BRAP: variants seen among roughly 807,000 people sequenced by gnomAD.
BRAP encodes the protein BRCA1-associated protein.
A neutral mutation model predicts 73.4 loss-of-function variants in BRAP; 42 were observed. The observed-to-expected ratio is 0.57, with a 90% CI of 0.45 to 0.74. The LOEUF is 0.74. BRAP is among the 30% of genes least tolerant of loss of function. The pLI is 0.00. For missense variants in BRAP, 593 were observed against 751.4 expected, an observed-to-expected ratio of 0.79 and a Z score of 2.46; for synonymous variants, 255 against 267.4, an observed-to-expected ratio of 0.95 and a Z score of 0.45.
rs1350815776 is a variant in BRAP at position 111,642,550 on chromosome 12, C to G, written c.*1649G>C. 1 of 152,134 alleles carries G rather than the reference C, an allele frequency of 6.6e-6. No individual in the cohort carries two copies. The highest frequency in any genetic ancestry group is 1.9e-4 in the East Asian group (1 of 5,200). The allele number at this position is 152,134 out of a possible 1,614,324, so 9.4% of individuals were successfully genotyped here. On this transcript the variant is annotated 3_prime_UTR_variant, in exon 12 of 12. Coordinates refer to ENST00000419234, the MANE Select transcript of BRAP (RefSeq NM_006768.5). Reference sequence around the variant, plus strand: ...ACTTCTAATTCTCTTCATTAGTATGCTATGATCCACCCCAGCTTCTGCAAG... The same window carrying G: ...ACTTCTAATTCTCTTCATTAGTATGGTATGATCCACCCCAGCTTCTGCAAG...
chr12:111,645,142 C>T (rs558376340), intron 11 of BRAP, among the ~76,000 whole-genome samples: 1 of 151,938 alleles, frequency 6.6e-6, no homozygotes, highest in Non-Finnish European at 1.5e-5. Context: ...GATCTTGGCT[C>T]ACTGCAACCT....
intron 9 of BRAP, among the ~76,000 whole-genome samples, chr12:111,657,016 G>T (rs1644636942): frequency 6.6e-6 from 1 of 152,270 alleles, no homozygotes; most frequent in East Asian, 1.9e-4. Flanking sequence ...TGGGATTACA[G>T]GCATAAGCCA....
intron 7 of BRAP, among the ~76,000 whole-genome samples, chr12:111,659,952 T>C (rs1030448842): frequency 3.3e-5 from 5 of 151,960 alleles, no homozygotes; most frequent in African/African-American, 4.8e-5. Context: ...CATGCACCTG[T>C]GGTCCCAGCT....
intron 11 of BRAP, among the ~76,000 whole-genome samples, chr12:111,645,373 T>C (rs1198846836): frequency 6.6e-6 from 1 of 152,204 alleles, no homozygotes; most frequent in Non-Finnish European, 1.5e-5. Flanking sequence ...AGCCCACAAA[T>C]GTACTTTTAA....
rs1326353123 is a variant in BRAP at position 111,683,169 on chromosome 12, A to G, written c.221T>C (p.Ile74Thr). The change falls in exon 2 of 12, where the codon ATT becomes ACT. Residue 74 changes from isoleucine to threonine, a missense_variant. Around this residue, in one of 4 missense-constraint regions of BRAP, gnomAD observed 304 missense variants for 337.7 expected, o/e 0.90. Transcript: ENST00000419234. ...LGRREMTDVI[I>T]ETMKSNPDEL... ...ACCTGGGTTGGACTTCATGGTCTCA[A>G]TGATCACATCTGTCATTTCTCGACG... The G allele has an allele frequency of 1.5e-5, 24 of 1,613,862 alleles. No individual in the cohort carries two copies. The highest frequency in any genetic ancestry group is 4.5e-5 in the East Asian group (2 of 44,898).
intron 3 of BRAP, 113 bp downstream of exon 3, chr12:111,681,524 T>C (rs1426667336): frequency 1.2e-6 from 1 of 804,806 alleles, no homozygotes; most frequent in Non-Finnish European, 1.9e-6. Flanking sequence ...AAAGTATTAT[T>C]ATTTTGAAGC....
At chr12:111,683,002 T>C in intron 2 of BRAP, 144 bp downstream of exon 2, 1 of 851,810 alleles carries the variant, frequency 1.2e-6, no homozygotes, top group Non-Finnish European at 1.8e-6. Context: ...AACATGTGGC[T>C]TAACAGTGTC....
intron 11 of BRAP, among the ~76,000 whole-genome samples, chr12:111,645,691 T>G (rs1382103459): frequency 6.6e-6 from 1 of 152,206 alleles, no homozygotes; most frequent in Middle Eastern, 3.4e-3. Context: ...AAACCACCAT[T>G]TGAGGCCAGG....
chr12:111,685,865 G>C lies in BRAP; in HGVS notation c.-73C>G, dbSNP rs1293395147. 1 of 1,154,480 alleles carries C rather than the reference G, an allele frequency of 8.7e-7. No homozygotes were observed. The highest frequency in any genetic ancestry group is 1.1e-6 in the Non-Finnish European group (1 of 887,788). 71.5% of individuals were successfully genotyped at this position (1,154,480 alleles called of 1,614,324 possible). A position where few individuals can be genotyped will look rare whatever the true frequency, so the allele number is the denominator to read the frequency against. On this transcript the variant is annotated 5_prime_UTR_variant, in exon 1 of 12. Coordinates refer to ENST00000419234, the MANE Select transcript of BRAP (RefSeq NM_006768.5). The stretch of plus-strand genomic sequence containing the variant: ...GGAAGGCGAGCCGAGAGGCCGAGCG[G>C]CCCGGGGCCGGCAGCGCCGCCACCA...
At chr12:111,680,401 A>G (rs1592999223) in intron 3 of BRAP, among the ~76,000 whole-genome samples, 1 of 152,136 alleles carries the variant, frequency 6.6e-6, no homozygotes, top group Non-Finnish European at 1.5e-5. Context: ...GCTGTGATCC[A>G]GAATGGCTAC....
At chr12:111,672,330 C>CA (rs1555253428) in intron 5 of BRAP, among the ~76,000 whole-genome samples, 1 of 151,280 alleles carries the variant, frequency 6.6e-6, no homozygotes, top group East Asian at 1.9e-4. Flanking sequence ...TATCTTTTTT[C>CA]TTTTTTTTTA....
intron 10 of BRAP, among the ~76,000 whole-genome samples, chr12:111,654,870 A>C (rs1886462964): frequency 6.6e-6 from 1 of 152,152 alleles, no homozygotes; most frequent in Non-Finnish European, 1.5e-5. Context: ...CTGAATTACA[A>C]ACACTGTCCC....
Position 111,643,985 on chromosome 12 carries a change from A to G in BRAP, c.*214T>C. On this transcript the variant is annotated 3_prime_UTR_variant, in exon 12 of 12. Transcript: ENST00000419234. ...TAGAATGTGAGGTTAGTGAACTCTTAAGACCTTTTCGAACGCAGCGCCTTT... is the reference window on the plus strand; with the variant it reads ...TAGAATGTGAGGTTAGTGAACTCTTGAGACCTTTTCGAACGCAGCGCCTTT... The G allele has an allele frequency of 1.4e-6, 1 of 718,612 alleles. No individual in the cohort carries two copies. The highest frequency in any genetic ancestry group is 2.2e-6 in the Non-Finnish European group (1 of 456,906). 44.5% of individuals were successfully genotyped at this position (718,612 alleles called of 1,614,324 possible).
Position 111,685,887 on chromosome 12 carries a change from A to C in BRAP, c.-95T>G. On this transcript the variant is annotated 5_prime_UTR_variant, in exon 1 of 12. Transcript: ENST00000419234. The stretch of plus-strand genomic sequence containing the variant: ...GCGGCCCGGGGCCGGCAGCGCCGCC[A>C]CCACCTCAATGCAGTTGCCGCCGCC... 1 of 836,774 alleles carries C rather than the reference A, an allele frequency of 1.2e-6. No homozygotes were observed. The highest frequency in any genetic ancestry group is 2.9e-5 in the South Asian group (1 of 34,770). The allele number at this position is 836,774 out of a possible 1,614,324, so 51.8% of individuals were successfully genotyped here. A position where few individuals can be genotyped will look rare whatever the true frequency, so the allele number is the denominator to read the frequency against.
Position 111,644,461 on chromosome 12 carries a change from T to C in BRAP, c.1517A>G (p.Asn506Ser), listed in dbSNP as rs1294928290. 56 of 1,614,014 alleles carry C rather than the reference T, an allele frequency of 3.5e-5. No individual in the cohort carries two copies. Among genetic ancestry groups the C allele is most frequent in the Non-Finnish European group, 4.7e-5 (56 of 1,180,028 alleles). ...CACCCTCTCCTCCTCTTTTAGCTTG[T>C]TCTGCAGGAGGACTTGGTTGGCTCG... ...CLRANQVLLQ[N>S]KLKEEERVLK... Residue 506 changes from asparagine (N) to serine (S), a missense_variant, in exon 12 of 12, where the codon AAC (asparagine) becomes AGC (serine). By Grantham distance (46) the Asn-to-Ser change is conservative (BLOSUM62 1). Transcript: ENST00000419234.
intron 5 of BRAP, chr12:111,670,326 C>T (rs1887117153): frequency 1.9e-6 from 1 of 514,020 alleles, no homozygotes; most frequent in Admixed American, 2.3e-5. Flanking sequence ...CCTCTGGCAG[C>T]TCCAGCTCGC....
At chr12:111,681,966 A>T (rs1887617193) in intron 2 of BRAP, 131 bp from the exon 3 acceptor site, 1 of 848,648 alleles carries the variant, frequency 1.2e-6, no homozygotes, top group African/African-American at 1.7e-5. Context: ...ATTAACAGCT[A>T]TTATTTGTAG....
intron 9 of BRAP, among the ~76,000 whole-genome samples, chr12:111,657,971 C>T (rs535196707): frequency 4.0e-5 from 6 of 150,770 alleles, no homozygotes; most frequent in Admixed American, 3.3e-4. Context: ...CAGGGTCTTG[C>T]TCTGTCACCC....
chr12:111,679,174 C>G lies in BRAP; in HGVS notation c.610G>C (p.Val204Leu). 1 of 1,582,104 alleles carries G rather than the reference C, an allele frequency of 6.3e-7. No homozygotes were observed. The highest frequency in any genetic ancestry group is 1.2e-5 in the South Asian group (1 of 84,840). ...ACCTGTGCACGAAACTTTATCAGCA[C>G]CATATATTGGTTGGGAGTAGAGTCT... ...IRDSTPNQYM[V>L]LIKFRAQADA... The change falls in exon 4 of 12, where the codon GTG becomes CTG. Residue 204 changes from valine (V) to leucine (L), a missense_variant. By Grantham distance (32) the Val-to-Leu change is conservative. Transcript: ENST00000419234.
Sources: gnomAD v4.1 joint callset for allele counts (sites outside exome capture counted in the v4.1 genomes callset) on GRCh38, gnomAD v4.1.1 for gene constraint, gnomAD v4.1.1 regional missense constraint, MANE v1.5 for transcripts, NCBI Gene and HGNC (gene_info 2026-07-23, HGNC 2026-07-21) for gene names.